The following DCP2 variants were observed in gnomAD, a reference collection of about 807,000 sequenced individuals.
The protein encoded by DCP2 is m7GpppN-mRNA hydrolase.
DCP2 carries 30 observed loss-of-function variants against 56.1 expected under a neutral mutation model. That is an observed-to-expected ratio of 0.53 (90% CI 0.40 to 0.73). The LOEUF is 0.73. Among genes scored for constraint, DCP2 ranks in the 30% least tolerant of loss-of-function variants. DCP2 has a pLI of 0.00. For synonymous variants in DCP2, 197 were observed against 163.3 expected (o/e 1.21, Z -1.57); for missense variants, 533 against 502.7 (o/e 1.06, Z -0.58).
Position 113,022,138 on chromosome 5 carries a change from ATGTT to A in DCP2, c.*8658_*8661del, listed in dbSNP as rs1484928893. On this transcript the variant is annotated 3_prime_UTR_variant, in exon 11 of 11. Coordinates refer to ENST00000389063, the MANE Select transcript of DCP2 (RefSeq NM_152624.6). ...AGAAATATTTATTCAGAATATAAGA[ATGTT>A]TGTAAAATATTATAAATGTCTCTGT... is the stretch of plus-strand genomic sequence containing the variant. 3 of 152,602 alleles carry A rather than the reference ATGTT, an allele frequency of 2.0e-5. No homozygotes were observed. Among genetic ancestry groups the A allele is most frequent in the Non-Finnish European group, 4.4e-5 (3 of 68,032 alleles). The allele number at this position is 152,602 out of a possible 1,614,324, so 9.5% of individuals were successfully genotyped here. A position where few individuals can be genotyped will look rare whatever the true frequency, so the allele number is the denominator to read the frequency against.
chr5:112,985,689 C>G (rs1431965941), intron 1 of DCP2, 146 bp from the exon 2 acceptor site: 2 of 774,632 alleles, frequency 2.6e-6, no homozygotes, highest in Non-Finnish European at 3.9e-6. Context: ...TATAGTATTT[C>G]TCTCAAATAT....
chr5:112,990,596 C>G (rs1334101673), intron 2 of DCP2, among the ~76,000 whole-genome samples: 1 of 152,014 alleles, frequency 6.6e-6, no homozygotes, highest in Admixed American at 6.6e-5. Flanking sequence ...TTGAGATTAA[C>G]TTTGCGCTTG....
In DCP2 at chr5:113,001,073, G is replaced by C; in HGVS notation, c.433-11G>C. ...TAAAATGAAAATTTCATCCAAATTT[G>C]TTGTTTCCAGGTCTTTGAAGAAACT... On this transcript the variant is annotated splice_polypyrimidine_tract_variant and intron_variant, in intron 4 of 10. Transcript: ENST00000389063. The C allele has an allele frequency of 3.2e-6, 5 of 1,571,216 alleles. No homozygotes were observed. In the South Asian group the frequency reaches 3.6e-5, roughly 11 times the overall value.
At position 113,003,950 on chromosome 5, in the gene DCP2, A is replaced by C. The variant is rs927184610; in HGVS notation, c.815A>C (p.Lys272Thr). The part of the protein sequence containing the change: ...KPTVEKLSRT[K>T]FRHSQQLFPD... ...TTTAAATCTTGGTGTAGTCGAACCA[A>C]ATTCCGCCACAGTCAGCAGTTATTT... is the stretch of plus-strand genomic sequence containing the variant. The change falls in exon 8 of 11, where the codon AAA becomes ACA. Residue 272 changes from lysine to threonine, a missense_variant. By Grantham distance (78) the Lys-to-Thr change is moderately conservative. Around this residue, in one of 3 missense-constraint regions of DCP2, gnomAD observed 392 missense variants for 346.6 expected, o/e 1.13. Coordinates refer to ENST00000389063, the MANE Select transcript of DCP2 (RefSeq NM_152624.6). 19 of 1,614,010 alleles carry C rather than the reference A, an allele frequency of 1.2e-5. No individual in the cohort carries two copies. The highest frequency in any genetic ancestry group is 1.5e-5 in the Non-Finnish European group (18 of 1,180,010).
chr5:113,001,684 T>C lies in DCP2; in HGVS notation c.806+10T>C, dbSNP rs774791530. The C allele has an allele frequency of 1.2e-5, 20 of 1,604,546 alleles. No individual in the cohort carries two copies. The Admixed American group carries it at 2.3e-4, about 19-fold the overall frequency. ...CTGTGGAAAAATTGAGGTAAAGAAATACATTCATGGAATCCTGATTTTCTA... is the reference window on the plus strand; with the variant it reads ...CTGTGGAAAAATTGAGGTAAAGAAACACATTCATGGAATCCTGATTTTCTA... On this transcript the variant is annotated intron_variant, in intron 7 of 10. Coordinates refer to ENST00000389063, the MANE Select transcript of DCP2 (RefSeq NM_152624.6).
At chr5:112,994,813 C>T (rs1580811346) in intron 4 of DCP2, among the ~76,000 whole-genome samples, 1 of 152,202 alleles carries the variant, frequency 6.6e-6, no homozygotes, top group East Asian at 1.9e-4. Context: ...GACATAAAGA[C>T]CTTTAAGAAG....
intron 2 of DCP2, among the ~76,000 whole-genome samples, chr5:112,991,591 C>T (rs934691128): frequency 6.6e-6 from 1 of 152,102 alleles, no homozygotes; most frequent in African/African-American, 2.4e-5. Flanking sequence ...AATGGCATAC[C>T]TCATTCATAC....
intron 4 of DCP2, among the ~76,000 whole-genome samples, chr5:112,994,261 G>T (rs181215380): frequency 9.2e-5 from 13 of 141,428 alleles, no homozygotes; most frequent in Non-Finnish European, 6.0e-5. Context: ...AGCCTCGACC[G>T]CCTGGGCTCA....
At chr5:112,993,653 A>C (rs74598896) in intron 4 of DCP2, among the ~76,000 whole-genome samples, 1 of 141,998 alleles carries the variant, frequency 7.0e-6, no homozygotes, top group Non-Finnish European at 1.5e-5. Context: ...AAAAAAAAAA[A>C]CCAAAATTTT....
At position 112,985,819 on chromosome 5, in the gene DCP2, GT is replaced by G; in HGVS notation, c.54-12del. ...GTTTGTAAATGTAATTTTTGTATGT[GT>G]TTTGTTTTTGACAGCCGATTTATTT... On this transcript the variant is annotated splice_polypyrimidine_tract_variant and intron_variant, in intron 1 of 10. Transcript: ENST00000389063. 1.3e-6 allele frequency: 2 copies of G among 1,590,702 alleles called. No individual in the cohort carries two copies. Among genetic ancestry groups the G allele is most frequent in the Non-Finnish European group, 1.7e-6 (2 of 1,160,424 alleles).
At chr5:113,002,378 A>G (rs1749219449) in intron 7 of DCP2, among the ~76,000 whole-genome samples, 1 of 151,312 alleles carries the variant, frequency 6.6e-6, no homozygotes. Flanking sequence ...GGCCAAGATC[A>G]TGCCACTGTA....
At chr5:113,008,464 G>A (rs544830416) in intron 9 of DCP2, among the ~76,000 whole-genome samples, 17 of 65,462 alleles carry the variant, frequency 2.6e-4, no homozygotes. Context: ...GATTTTGCTT[G>A]ATGACAAATA....
chr5:112,987,915 G>C lies in DCP2; in HGVS notation c.205+1929G>C, dbSNP rs567878080. Among the ~76,000 whole-genome samples the C allele has an allele frequency of 5.9e-5, 9 of 151,874 alleles. No individual in the cohort carries two copies. The South Asian group carries it at 1.9e-3, about 32-fold the overall frequency. Reference sequence around the variant, plus strand: ...AGTAGCTGGGATTATAGGTGCTACCGCACCTGGCCAGGTTATTGTTTTTGA... The same window carrying C: ...AGTAGCTGGGATTATAGGTGCTACCCCACCTGGCCAGGTTATTGTTTTTGA... On this transcript the variant is annotated intron_variant, in intron 2 of 10. Transcript: ENST00000389063.
At chr5:113,000,820 G>GT (rs1394242898) in intron 4 of DCP2, among the ~76,000 whole-genome samples, 1 of 152,208 alleles carries the variant, frequency 6.6e-6, no homozygotes, top group Non-Finnish European at 1.5e-5. Flanking sequence ...TATATAGTTT[G>GT]TGTGTGTTTG....
rs1174155451 is a variant in DCP2 at position 112,984,601 on chromosome 5, G to A, written c.54-1234G>A. On this transcript the variant is annotated intron_variant, in intron 1 of 10. Transcript: ENST00000389063. ...CATGATTTAGCTGCTTGCTAGACTT[G>A]TGTCTCCCAAATTGCAATCTCTAAA... 3 of 149,276 alleles carry A rather than the reference G, an allele frequency of 2.0e-5. No individual in the cohort carries two copies. In the Admixed American group the frequency reaches 2.0e-4, roughly 10 times the overall value. The allele number at this position is 149,276 out of a possible 1,614,324, so 9.2% of individuals were successfully genotyped here.
In DCP2 at chr5:113,018,460, A is replaced by G. The variant is rs1749979443; in HGVS notation, c.*4976A>G. ...AACGTAAAAGGAATGAGCTTTCACA[A>G]GGTGCTTACGTTAGCTGGGTAGTAT... is the stretch of plus-strand genomic sequence containing the variant. On this transcript the variant is annotated 3_prime_UTR_variant, in exon 11 of 11. Coordinates refer to ENST00000389063, the MANE Select transcript of DCP2 (RefSeq NM_152624.6). 6.6e-6 allele frequency: 1 copy of G among 152,208 alleles called. No individual in the cohort carries two copies. The allele number at this position is 152,208 out of a possible 1,614,324, so 9.4% of individuals were successfully genotyped here.
At position 112,996,057 on chromosome 5, in the gene DCP2, C is replaced by G. The variant is rs79577611; in HGVS notation, c.432+3287C>G. 9.3e-3 allele frequency among the ~76,000 whole-genome samples: 1,421 copies of G among 152,282 alleles called. 30 individuals carry two copies. Among genetic ancestry groups the G allele is most frequent in the African/African-American group, 0.032 (1,336 of 41,548 alleles). ...GATCTCATTTGACCTTTATTACTTC[C>G]TCACAGCCCTATCTCCAAATACAGT... On this transcript the variant is annotated intron_variant, in intron 4 of 10. Coordinates refer to ENST00000389063, the MANE Select transcript of DCP2 (RefSeq NM_152624.6).
At chr5:113,007,608 G>A (rs958274021) in intron 8 of DCP2, among the ~76,000 whole-genome samples, 1 of 151,932 alleles carries the variant, frequency 6.6e-6, no homozygotes, top group Admixed American at 6.6e-5. Context: ...TGCTGTGTTA[G>A]CCAGGATGGT....
At chr5:112,985,744 TTGG>T (rs1748251680) in intron 1 of DCP2, 88 bp from the exon 2 acceptor site, 1 of 1,437,960 alleles carries the variant, frequency 7.0e-7, no homozygotes, top group Admixed American at 1.8e-5. Context: ...CTTTTCTCAG[TTGG>T]TGGGTCAGGT....
Sources: allele counts gnomAD v4.1 joint callset (sites outside exome capture counted in the v4.1 genomes callset), GRCh38; gene constraint gnomAD v4.1.1; regional missense constraint gnomAD v4.1.1; transcripts MANE v1.5; gene names NCBI Gene and HGNC (gene_info 2026-07-23, HGNC 2026-07-21).